The following ITIH5 variants were observed in gnomAD, a reference collection of about 807,000 sequenced individuals.
The protein encoded by ITIH5 is inter-alpha-trypsin inhibitor heavy chain H5.
Under a neutral mutation model 77.5 loss-of-function variants are expected in ITIH5, and 65 were observed. The observed-to-expected ratio is 0.84, with a 90% CI of 0.69 to 1.03. The LOEUF (loss-of-function observed/expected upper bound fraction) is 1.03. ITIH5 is among the 50% of genes least tolerant of loss of function. The probability of loss-of-function intolerance (pLI) is 0.00; values close to 1 mark genes in which losing one functional copy is unlikely to be tolerated. For synonymous variants in ITIH5, 525 were observed against 494.3 expected, an observed-to-expected ratio of 1.06 and a Z score of -0.82; for missense variants, 1,208 against 1,213.1, an observed-to-expected ratio of 1.00 and a Z score of 0.06.
chr10:7,567,240 T>A (rs1832204217), intron 12 of ITIH5, among the ~76,000 whole-genome samples: 1 of 152,034 alleles, frequency 6.6e-6, no homozygotes, highest in Admixed American at 6.6e-5. Flanking sequence ...CCAGTGTGGC[T>A]GTAGTGATAA....
chr10:7,631,227 G>A (rs542433512), intron 5 of ITIH5, among the ~76,000 whole-genome samples: 1 of 152,100 alleles, frequency 6.6e-6, no homozygotes, highest in Non-Finnish European at 1.5e-5. Context: ...GCATGGGTGA[G>A]GCTTAAGCAA....
intron 5 of ITIH5, among the ~76,000 whole-genome samples, chr10:7,631,168 TA>T (rs34535930): frequency 0.18 from 26,852 of 152,174 alleles, 3,008 homozygotes; most frequent in Non-Finnish European, 0.25. Context: ...ATCTTCTTAA[TA>T]AAAAATACTG....
chr10:7,580,058 T>C lies in ITIH5; in HGVS notation c.1115A>G (p.Asp372Gly). The C allele has an allele frequency of 6.3e-7, 1 of 1,599,620 alleles. No homozygotes were observed. The highest frequency in any genetic ancestry group is 1.1e-5 in the South Asian group (1 of 89,602). Residue 372 changes from aspartate (D) to glycine (G), a missense_variant, in exon 9 of 14, where the codon GAC (aspartate) becomes GGC (glycine). Coordinates refer to ENST00000397146, the MANE Select transcript of ITIH5 (RefSeq NM_030569.7). ...IHHMSPTGGT[D>G]INGALQRAIR... Reference sequence around the variant, plus strand: ...GGCCCTCTGCAGGGCCCCGTTGATGTCTGTGCCTGCAGGACACCAACACGG... The same window carrying C: ...GGCCCTCTGCAGGGCCCCGTTGATGCCTGTGCCTGCAGGACACCAACACGG...
chr10:7,617,055 A>T, intron 6 of ITIH5, 58 bp downstream of exon 6: 1 of 1,104,808 alleles, frequency 9.1e-7, no homozygotes, highest in East Asian at 2.8e-5. Context: ...GATCCACAGT[A>T]TGAGTCTGTC....
chr10:7,563,116 C>T lies in ITIH5; in HGVS notation c.2796G>A (p.Met932Ile), dbSNP rs995064325. Reference protein sequence around the residue: ...YLASHPFDTGMTLGRGMSREL With the variant: ...YLASHPFDTGITLGRGMSREL The stretch of plus-strand genomic sequence containing the variant: ...CCCTGGACATTCCCCGGCCAAGTGT[C>T]ATCCCTGTGTCAAATGGATGGGATG... Residue 932 changes from methionine to isoleucine, a missense_variant, in exon 14 of 14, where the codon ATG becomes ATA. Met to Ile is a conservative substitution (Grantham distance 10). Coordinates refer to ENST00000397146, the MANE Select transcript of ITIH5 (RefSeq NM_030569.7). The T allele has an allele frequency of 5.4e-5, 86 of 1,591,698 alleles. No homozygotes were observed. The highest frequency in any genetic ancestry group is 6.6e-5 in the Non-Finnish European group (78 of 1,179,184).
chr10:7,637,511 G>A, intron 4 of ITIH5, 33 bp from the exon 5 acceptor site: 1 of 1,604,824 alleles, frequency 6.2e-7, no homozygotes, highest in South Asian at 1.1e-5. Flanking sequence ...CCCCAGGGAG[G>A]TTCGGAAGAG....
At chr10:7,597,527 A>G (rs111955617) in intron 7 of ITIH5, among the ~76,000 whole-genome samples, 11 of 144,790 alleles carry the variant, frequency 7.6e-5, no homozygotes, top group Non-Finnish European at 1.1e-4. Flanking sequence ...ATAGACACCC[A>G]TACACAGCAT....
Position 7,601,214 on chromosome 10 carries a change from C to T in ITIH5, c.939+14768G>A, listed in dbSNP as rs186684159. On this transcript the variant is annotated intron_variant, in intron 7 of 13. Coordinates refer to ENST00000397146, the MANE Select transcript of ITIH5 (RefSeq NM_030569.7). ...AATGTGCATCATGACCACATCTAAG[C>T]AAAAGTGGGAGATTTCAGAGAATCA... Among the ~76,000 whole-genome samples the T allele has an allele frequency of 8.6e-4, 131 of 152,210 alleles. 1 individual carries two copies. The highest frequency in any genetic ancestry group is 2.3e-3 in the Admixed American group (35 of 15,282).
intron 10 of ITIH5, among the ~76,000 whole-genome samples, chr10:7,575,989 T>C (rs1832404223): frequency 6.6e-6 from 1 of 152,150 alleles, no homozygotes; most frequent in Admixed American, 6.5e-5. Context: ...CAATACTCCC[T>C]GAAGATTATG....
intron 2 of ITIH5, among the ~76,000 whole-genome samples, chr10:7,646,870 G>C (rs1423979907): frequency 1.3e-5 from 2 of 152,140 alleles, no homozygotes; most frequent in East Asian, 3.9e-4. Flanking sequence ...GTCATGCCCT[G>C]ACCTCAAAAA....
intron 7 of ITIH5, among the ~76,000 whole-genome samples, chr10:7,607,707 G>A (rs114924890): frequency 0.016 from 2,363 of 152,316 alleles, 65 homozygotes; most frequent in African/African-American, 0.054. Context: ...CAGCCTACTC[G>A]GAAGGCTGAG....
At position 7,579,880 on chromosome 10, in the gene ITIH5, G is replaced by C. The variant is rs910811362; in HGVS notation, c.1293C>G (p.Val431=). ...TGCCGATGCCAATGGTGAAGATGCAGACTTGGCCTCGGGCGGCCTCTCGGG... is the reference window on the plus strand; with the variant it reads ...TGCCGATGCCAATGGTGAAGATGCACACTTGGCCTCGGGCGGCCTCTCGGG... The part of the protein sequence containing the change: ...NNTREAARGQ[V]CIFTIGIGND... Residue 431 remains valine (V), a synonymous_variant, in exon 9 of 14, where the codon GTC becomes GTG. Transcript: ENST00000397146. 6.2e-7 allele frequency: 1 copy of C among 1,614,114 alleles called. No homozygotes were observed. Among genetic ancestry groups the C allele is most frequent in the Non-Finnish European group, 8.5e-7 (1 of 1,180,044 alleles).
chr10:7,650,614 TA>T (rs927525599), intron 2 of ITIH5, among the ~76,000 whole-genome samples: 2 of 151,818 alleles, frequency 1.3e-5, no homozygotes, highest in African/African-American at 4.8e-5. Flanking sequence ...TGGGTGCCCA[TA>T]ATCCCAGCTA....
intron 5 of ITIH5, chr10:7,620,746 G>T (rs1833461532): frequency 6.6e-6 from 1 of 151,740 alleles, no homozygotes; most frequent in South Asian, 2.1e-4. Context: ...TGAGGATTAG[G>T]TGTGTCCAGA....
intron 5 of ITIH5, among the ~76,000 whole-genome samples, chr10:7,635,941 C>G (rs1195231141): frequency 3.3e-5 from 5 of 152,174 alleles, no homozygotes; most frequent in African/African-American, 9.7e-5. Flanking sequence ...ATACTCTGCT[C>G]ATCATTTACC....
Position 7,646,030 on chromosome 10 carries a change from G to A in ITIH5, c.136-3940C>T, listed in dbSNP as rs117386768. 7.4e-3 allele frequency among the ~76,000 whole-genome samples: 1,120 copies of A among 152,220 alleles called. 8 individuals carry two copies. Among genetic ancestry groups the A allele is most frequent in the South Asian group, 0.019 (91 of 4,822 alleles). On this transcript the variant is annotated intron_variant, in intron 2 of 13. Coordinates refer to ENST00000397146, the MANE Select transcript of ITIH5 (RefSeq NM_030569.7). The stretch of plus-strand genomic sequence containing the variant: ...TTGATCTGTGTTATTTCTGGAACAG[G>A]TTTTCTTTCTAAATTATCCATGATT...
chr10:7,629,035 C>A (rs112430058), intron 5 of ITIH5, among the ~76,000 whole-genome samples: 237 of 90,222 alleles, frequency 2.6e-3, no homozygotes, highest in South Asian at 4.5e-3. Flanking sequence ...ACATGTGTCC[C>A]TGTTGTAGCG....
chr10:7,648,141 G>A (rs557002360), intron 2 of ITIH5, among the ~76,000 whole-genome samples: 2 of 151,838 alleles, frequency 1.3e-5, no homozygotes, highest in South Asian at 2.1e-4. Flanking sequence ...CTACTCAGGA[G>A]GCTGAGGCAG....
intron 5 of ITIH5, chr10:7,622,592 C>A (rs1432518335): frequency 6.6e-6 from 1 of 151,608 alleles, no homozygotes; most frequent in Non-Finnish European, 1.5e-5. Flanking sequence ...TTCTCTATAC[C>A]ACTGAAAGCT....
Sources: gnomAD v4.1 joint callset for allele counts (sites outside exome capture counted in the v4.1 genomes callset) on GRCh38, gnomAD v4.1.1 for gene constraint, MANE v1.5 for transcripts, NCBI Gene and HGNC (gene_info 2026-07-23, HGNC 2026-07-21) for gene names.